Variants in TOGARAM2 observed in about 807,000 individuals in gnomAD.
TOGARAM2 encodes the protein TOG array regulator of axonemal microtubules protein 2.
A neutral mutation model predicts 93.3 loss-of-function variants in TOGARAM2; 85 were observed. That is an observed-to-expected ratio of 0.91 (90% CI 0.76 to 1.09). The LOEUF (loss-of-function observed/expected upper bound fraction) is 1.09. Among genes scored for constraint, TOGARAM2 ranks in the 50% least tolerant of loss-of-function variants. The pLI is 0.00. For missense variants in TOGARAM2, 1,277 were observed against 1,334.5 expected, an observed-to-expected ratio of 0.96 and a Z score of 0.67; for synonymous variants, 593 against 552.8, an observed-to-expected ratio of 1.07 and a Z score of -1.02.
intron 6 of TOGARAM2, among the ~76,000 whole-genome samples, chr2:29,008,760 CTA>C (rs1664037958): frequency 6.6e-6 from 1 of 152,196 alleles, no homozygotes; most frequent in Non-Finnish European, 1.5e-5. Context: ...CCTGGCCAGC[CTA>C]TTTTATTTAA....
At chr2:28,984,461 A>G (rs1672373774) in intron 1 of TOGARAM2, among the ~76,000 whole-genome samples, 1 of 152,142 alleles carries the variant, frequency 6.6e-6, no homozygotes, top group Admixed American at 6.5e-5. Flanking sequence ...AGACATTCAG[A>G]TGCTAGAGTC....
rs146162531 is a variant in TOGARAM2, at chr2:28,966,269, G to A, written c.-147+9572G>A. ...GTGTCCCAAGGTGCCAGGATTACAGGCGTGAGCTTATTTAATTTTTTTCCT... is the reference window on the plus strand; with the variant it reads ...GTGTCCCAAGGTGCCAGGATTACAGACGTGAGCTTATTTAATTTTTTTCCT... On this transcript the variant is annotated intron_variant, in intron 1 of 6. Coordinates refer to the TOGARAM2 transcript ENST00000401723. Among the ~76,000 whole-genome samples the A allele has an allele frequency of 3.3e-5, 5 of 152,078 alleles. No individual in the cohort carries two copies. In the East Asian group the frequency reaches 9.6e-4, roughly 29 times the overall value.
intron 1 of TOGARAM2, among the ~76,000 whole-genome samples, chr2:28,988,516 T>A (rs1489662450): frequency 3.3e-5 from 5 of 151,974 alleles, no homozygotes; most frequent in African/African-American, 1.2e-4. Context: ...TCAGCTCCCC[T>A]CCCTCCCCTG....
At chr2:29,036,860 T>A in intron 18 of TOGARAM2, 103 bp downstream of exon 18, 2 of 1,177,270 alleles carry the variant, frequency 1.7e-6, no homozygotes, top group South Asian at 1.4e-5. Flanking sequence ...CCAGGCCAGA[T>A]GTTTCACCAG....
At chr2:28,979,784 C>T (rs1361628746), upstream of TOGARAM2, among the ~76,000 whole-genome samples, 5 of 152,194 alleles carry the variant, frequency 3.3e-5, no homozygotes, top group African/African-American at 1.2e-4. Flanking sequence ...ACACCAAGGA[C>T]AGCAGGGGCC....
In TOGARAM2 at chr2:29,005,089, TGA is replaced by T. The variant is rs143808072; in HGVS notation, c.830+1409_830+1410del. On this transcript the variant is annotated intron_variant, in intron 6 of 19. Transcript: ENST00000379558. ...GTGCATGTGTGTGCATGTGTATGTG[TGA>T]GTGCATGTTGTGAGTGCATGTGTAT... 9.5e-3 allele frequency among the ~76,000 whole-genome samples: 943 copies of T among 99,336 alleles called. 33 individuals carry two copies. Among genetic ancestry groups the T allele is most frequent in the African/African-American group, 0.016 (415 of 26,174 alleles). The allele number at this position is 99,336 out of a possible 152,430, so 65.2% of individuals were successfully genotyped here.
rs992599972 is a variant in TOGARAM2 at position 28,994,996 on chromosome 2, C to A, written c.28+134C>A. The A allele has an allele frequency of 1.4e-5, 15 of 1,087,418 alleles. No homozygotes were observed. The Admixed American group carries it at 2.7e-4, about 20-fold the overall frequency. 67.4% of individuals were successfully genotyped at this position (1,087,418 alleles called of 1,614,324 possible). A position where few individuals can be genotyped will look rare whatever the true frequency, so the allele number is the denominator to read the frequency against. ...GGGAGATAACAGCCAGGTGGCCGTGCCTTTCCAGCCCTGGCCAGCTCCCCA... is the reference window on the plus strand; with the variant it reads ...GGGAGATAACAGCCAGGTGGCCGTGACTTTCCAGCCCTGGCCAGCTCCCCA... On this transcript the variant is annotated intron_variant, in intron 2 of 19. Coordinates refer to ENST00000379558, the MANE Select transcript of TOGARAM2 (RefSeq NM_199280.4).
Position 29,010,305 on chromosome 2 carries a change from C to T in TOGARAM2, c.831-1150C>T, listed in dbSNP as rs932485112. Among the ~76,000 whole-genome samples the T allele has an allele frequency of 5.3e-5, 8 of 152,112 alleles. No homozygotes were observed. The East Asian group carries it at 5.8e-4, about 11-fold the overall frequency. On this transcript the variant is annotated intron_variant, in intron 6 of 19. Transcript: ENST00000379558. ...GTTACAATGGCAAAGGCCTAGTGGG[C>T]GAGCTCCCCAGGTCAGGGGTGCCCT...
intron 6 of TOGARAM2, among the ~76,000 whole-genome samples, chr2:29,006,166 A>T (rs1323324945): frequency 3.3e-5 from 4 of 121,204 alleles, no homozygotes; most frequent in African/African-American, 9.6e-5. Flanking sequence ...TACATGTGTG[A>T]GCATGTGTGA....
At chr2:29,007,646 G>A (rs1173271862) in intron 6 of TOGARAM2, among the ~76,000 whole-genome samples, 2 of 151,986 alleles carry the variant, frequency 1.3e-5, no homozygotes, top group Non-Finnish European at 2.9e-5. Flanking sequence ...CACACCTCTT[G>A]CAGGCCCTTT....
chr2:28,982,327 G>A (rs1184130068), intron 1 of TOGARAM2, among the ~76,000 whole-genome samples: 1 of 152,188 alleles, frequency 6.6e-6, no homozygotes, highest in Non-Finnish European at 1.5e-5. Context: ...GGACCTCAGA[G>A]GGCTGCCATT....
At chr2:29,004,870 T>G in intron 6 of TOGARAM2, among the ~76,000 whole-genome samples, 1 of 150,654 alleles carries the variant, frequency 6.6e-6, no homozygotes, top group Non-Finnish European at 1.5e-5. Context: ...TGTGTGTGCA[T>G]GTGTGTGGAG....
upstream of TOGARAM2, among the ~76,000 whole-genome samples, chr2:28,980,403 G>A (rs894757516): frequency 1.3e-5 from 2 of 152,236 alleles, no homozygotes; most frequent in African/African-American, 4.8e-5. Context: ...ATCCCTGTGT[G>A]TTCCACACAC....
chr2:29,039,199 G>A (rs1361025120), intron 18 of TOGARAM2, among the ~76,000 whole-genome samples: 1 of 152,172 alleles, frequency 6.6e-6, no homozygotes, highest in East Asian at 1.9e-4. Context: ...GCCCCTCTTG[G>A]AAGTGGCTTG....
chr2:28,964,871 T>G (rs1054343841), intron 1 of TOGARAM2, among the ~76,000 whole-genome samples: 9 of 152,260 alleles, frequency 5.9e-5, no homozygotes, highest in Admixed American at 6.5e-5. Context: ...TACCACCTTT[T>G]CTTTATCCAG....
intron 1 of TOGARAM2, among the ~76,000 whole-genome samples, chr2:28,975,136 GT>G (rs1672006990): frequency 6.7e-6 from 1 of 150,242 alleles, no homozygotes. Context: ...ACTTCCAGTT[GT>G]TTTTCTTTGT....
chr2:29,048,812 G>A (rs1360333420), intron 19 of TOGARAM2: 1 of 145,184 alleles, frequency 6.9e-6, no homozygotes, highest in African/African-American at 2.6e-5. Context: ...CCAAGTAACT[G>A]GGATTACAGG....
At chr2:28,988,897 G>T (rs1016264812) in intron 1 of TOGARAM2, among the ~76,000 whole-genome samples, 1 of 152,122 alleles carries the variant, frequency 6.6e-6, no homozygotes, top group African/African-American at 2.4e-5. Flanking sequence ...ACCACTCTCT[G>T]CTCATCTGGC....
chr2:28,991,645 C>A (rs1423846418), intron 1 of TOGARAM2, among the ~76,000 whole-genome samples: 3 of 152,194 alleles, frequency 2.0e-5, no homozygotes, highest in Admixed American at 2.0e-4. Context: ...GTCTGCCCAG[C>A]TCCTTGGGAG....
Sources: allele counts gnomAD v4.1 joint callset (sites outside exome capture counted in the v4.1 genomes callset), GRCh38; gene constraint gnomAD v4.1.1; transcripts MANE v1.5; gene names NCBI Gene and HGNC (gene_info 2026-07-23, HGNC 2026-07-21).